Variants in KIFAP3 observed in about 807,000 individuals in gnomAD.
KIFAP3 encodes the protein kinesin associated protein 3, also known as kinesin-associated protein 3.
A neutral mutation model predicts 106.5 loss-of-function variants in KIFAP3; 68 were observed. That is an observed-to-expected ratio of 0.64 (90% CI 0.53 to 0.78). The LOEUF (loss-of-function observed/expected upper bound fraction) is 0.78, where lower values mean the gene tolerates loss of function less well. Ranked by LOEUF, KIFAP3 falls within the 30% of genes least tolerant of loss-of-function variation. The pLI is 0.00. For synonymous variants in KIFAP3, 320 were observed against 311.5 expected, an observed-to-expected ratio of 1.03 and a Z score of -0.29; for missense variants, 780 against 941.8, an observed-to-expected ratio of 0.83 and a Z score of 2.25.
intron 1 of KIFAP3, among the ~76,000 whole-genome samples, chr1:170,060,361 C>T (rs1457710040): frequency 6.6e-6 from 1 of 152,136 alleles, no homozygotes; most frequent in Non-Finnish European, 1.5e-5. Context: ...TTCCTATACA[C>T]CAATAACAGA....
chr1:169,927,695 A>G (rs1663220079), intron 19 of KIFAP3, among the ~76,000 whole-genome samples: 1 of 152,192 alleles, frequency 6.6e-6, no homozygotes, highest in Admixed American at 6.5e-5. Context: ...TCTCACAGGC[A>G]AAGAGAGACA....
chr1:169,969,138 C>T (rs1665778547), intron 17 of KIFAP3, among the ~76,000 whole-genome samples: 1 of 151,976 alleles, frequency 6.6e-6, no homozygotes, highest in African/African-American at 2.4e-5. Context: ...TTAGAAATTT[C>T]TGCCAACAAT....
chr1:170,024,593 G>T lies in KIFAP3; in HGVS notation c.845C>A (p.Ala282Asp). 2 of 1,531,424 alleles carry T rather than the reference G, an allele frequency of 1.3e-6. No homozygotes were observed. Among genetic ancestry groups the T allele is most frequent in the Non-Finnish European group, 1.8e-6 (2 of 1,140,896 alleles). The allele number at this position is 1,531,424 out of a possible 1,614,324, so 94.9% of individuals were successfully genotyped here. A position where few individuals can be genotyped will look rare whatever the true frequency, so the allele number is the denominator to read the frequency against. Residue 282 changes from alanine (A) to aspartate (D), a missense_variant, in exon 9 of 20, where the codon GCT (alanine) becomes GAT (aspartate). Around this residue, in one of 3 missense-constraint regions of KIFAP3, gnomAD observed 588 missense variants for 678.9 expected, o/e 0.87. Transcript: ENST00000361580. ...VVKQEQLLRV[A>D]LYLLLNLAED... is the part of the protein sequence containing the mutation. Reference sequence around the variant, plus strand: ...AGCAAGATTCAGAAGCAAATAAAGAGCAACTAGAAAAGTAAAATATATGAG... The same window carrying T: ...AGCAAGATTCAGAAGCAAATAAAGATCAACTAGAAAAGTAAAATATATGAG...
chr1:170,040,982 C>T lies in KIFAP3; in HGVS notation c.320-1694G>A, dbSNP rs377206606. The stretch of plus-strand genomic sequence containing the variant: ...CTGGGATCACAGGCGCACACCACAA[C>T]GCCCAGCTATTTTTGTATTTTTACT... On this transcript the variant is annotated intron_variant, in intron 3 of 19. Coordinates refer to ENST00000361580, the MANE Select transcript of KIFAP3 (RefSeq NM_014970.4). Among the ~76,000 whole-genome samples the T allele has an allele frequency of 1.4e-4, 22 of 152,102 alleles. No homozygotes were observed. The East Asian group carries it at 1.9e-3, about 13-fold the overall frequency.
intron 10 of KIFAP3, among the ~76,000 whole-genome samples, chr1:170,015,659 C>G (rs184258193): frequency 6.6e-6 from 1 of 152,102 alleles, no homozygotes; most frequent in African/African-American, 2.4e-5. Context: ...TAGACAGGCA[C>G]TTAGGCATAA....
intron 6 of KIFAP3, 61 bp downstream of exon 6, chr1:170,035,393 G>T: frequency 1.0e-6 from 1 of 1,000,858 alleles, no homozygotes; most frequent in South Asian, 1.7e-5. Context: ...TTGAATCAAT[G>T]ACACAGACAA....
At chr1:170,037,260 T>C (rs1571709024) in intron 5 of KIFAP3, among the ~76,000 whole-genome samples, 1 of 152,236 alleles carries the variant, frequency 6.6e-6, no homozygotes, top group South Asian at 2.1e-4. Flanking sequence ...AAAAGACATT[T>C]GAAATACTTA....
At chr1:170,018,361 G>A (rs972969470) in intron 9 of KIFAP3, among the ~76,000 whole-genome samples, 3 of 152,042 alleles carry the variant, frequency 2.0e-5, no homozygotes, top group Non-Finnish European at 4.4e-5. Context: ...TTATAAAATT[G>A]CATTAAGAGA....
chr1:170,054,264 A>G (rs1466012004), intron 2 of KIFAP3, among the ~76,000 whole-genome samples: 1 of 152,254 alleles, frequency 6.6e-6, no homozygotes, highest in Non-Finnish European at 1.5e-5. Context: ...ATCGGTCATT[A>G]GAAAAATGCA....
chr1:169,969,760 T>C (rs1665811096), intron 17 of KIFAP3, among the ~76,000 whole-genome samples: 1 of 151,962 alleles, frequency 6.6e-6, no homozygotes, highest in Non-Finnish European at 1.5e-5. Flanking sequence ...TTAGTACAAA[T>C]AATCTAGTGA....
At chr1:169,932,099 G>T (rs1663518992) in intron 19 of KIFAP3, among the ~76,000 whole-genome samples, 1 of 152,090 alleles carries the variant, frequency 6.6e-6, no homozygotes, top group South Asian at 2.1e-4. Flanking sequence ...TAAATGCTAT[G>T]ATACTTAAAA....
At chr1:170,038,057 A>T (rs1011011053) in intron 5 of KIFAP3, among the ~76,000 whole-genome samples, 1 of 152,208 alleles carries the variant, frequency 6.6e-6, no homozygotes, top group African/African-American at 2.4e-5. Flanking sequence ...ACAATAAAAA[A>T]GCTTCCCAGA....
At chr1:169,995,574 G>T (rs1667329316) in intron 10 of KIFAP3, among the ~76,000 whole-genome samples, 1 of 151,958 alleles carries the variant, frequency 6.6e-6, no homozygotes, top group Non-Finnish European at 1.5e-5. Flanking sequence ...GAAACAAAGA[G>T]AAATCAATAA....
rs1002789980 is a variant in KIFAP3 at position 170,047,191 on chromosome 1, T to C, written c.165-325A>G. ...TAGCATTATTAAATGTAAGAATCCA[T>C]ACCATCATAAATAAATCATTTTCTT... On this transcript the variant is annotated intron_variant, in intron 2 of 19. Transcript: ENST00000361580. 5.3e-5 allele frequency among the ~76,000 whole-genome samples: 8 copies of C among 152,270 alleles called. No homozygotes were observed. In the South Asian group the frequency reaches 1.7e-3, roughly 32 times the overall value.
intron 3 of KIFAP3, chr1:170,041,939 A>AAC: frequency 1.8e-6 from 2 of 1,132,808 alleles, no homozygotes; most frequent in Non-Finnish European, 2.3e-6. Flanking sequence ...CGTTTCAGTT[A>AAC]TGAAACCTGG....
At chr1:169,943,619 T>C (rs1664259257) in intron 19 of KIFAP3, among the ~76,000 whole-genome samples, 1 of 152,230 alleles carries the variant, frequency 6.6e-6, no homozygotes, top group Admixed American at 6.5e-5. Context: ...ATTTGCATTA[T>C]ATTACCTTAA....
Position 170,074,629 on chromosome 1 carries a change from T to C in KIFAP3, c.-162A>G, listed in dbSNP as rs1671853167. On this transcript the variant is annotated 5_prime_UTR_variant, in exon 1 of 20. Coordinates refer to ENST00000361580, the MANE Select transcript of KIFAP3 (RefSeq NM_014970.4). ...GCGCTGTGGTTACCACGGTGAAGCC[T>C]CCAGCTCCTCCCACAGCTTCTGTGC... is the stretch of plus-strand genomic sequence containing the variant. 3 of 1,484,318 alleles carry C rather than the reference T, an allele frequency of 2.0e-6. No homozygotes were observed. Among genetic ancestry groups the C allele is most frequent in the East Asian group, 5.0e-5 (2 of 40,000 alleles). 91.9% of individuals were successfully genotyped at this position (1,484,318 alleles called of 1,614,324 possible).
At chr1:170,061,301 T>C (rs1203613697) in intron 1 of KIFAP3, among the ~76,000 whole-genome samples, 3 of 145,122 alleles carry the variant, frequency 2.1e-5, no homozygotes, top group East Asian at 2.2e-4. Context: ...ACAATGAACT[T>C]AAACAAATTT....
chr1:170,003,853 T>C (rs1667794665), intron 10 of KIFAP3, among the ~76,000 whole-genome samples: 1 of 152,232 alleles, frequency 6.6e-6, no homozygotes, highest in Non-Finnish European at 1.5e-5. Flanking sequence ...TTGGAAGTTC[T>C]GGCCAGGGCA....
Sources: gnomAD v4.1 joint callset for allele counts (sites outside exome capture counted in the v4.1 genomes callset) on GRCh38, gnomAD v4.1.1 for gene constraint, gnomAD v4.1.1 regional missense constraint, MANE v1.5 for transcripts, NCBI Gene and HGNC (gene_info 2026-07-23, HGNC 2026-07-21) for gene names.